PRKCH: variants seen among roughly 807,000 people sequenced by gnomAD.
The protein encoded by PRKCH is protein kinase C eta.
In PRKCH, 28 loss-of-function variants were observed where a neutral mutation model predicts 82.5. That is an observed-to-expected ratio of 0.34 (90% CI 0.25 to 0.47). PRKCH has a LOEUF of 0.47. Ranked by LOEUF, PRKCH falls within the 20% of genes least tolerant of loss-of-function variation. The pLI is 1.00. For synonymous variants in PRKCH, 322 were observed against 327.4 expected, an observed-to-expected ratio of 0.98 and a Z score of 0.18; for missense variants, 705 against 881.8, an observed-to-expected ratio of 0.80 and a Z score of 2.54.
At chr14:61,453,482 TTCTTTCTTTCTTTC>T (rs1241596638) in intron 7 of PRKCH, 129 bp downstream of exon 7, 14 of 785,146 alleles carry the variant, frequency 1.8e-5, no homozygotes, top group African/African-American at 1.3e-4. Flanking sequence ...CTTATTGCCT[TTCTTTCTTTCTTTC>T]TCTTTCTTTC....
intron 1 of PRKCH, among the ~76,000 whole-genome samples, chr14:61,370,296 T>G (rs2046348995): frequency 6.6e-6 from 1 of 152,020 alleles, no homozygotes; most frequent in Non-Finnish European, 1.5e-5. Context: ...TATACTTTCT[T>G]TGGTTGTTGG....
intron 2 of PRKCH, among the ~76,000 whole-genome samples, chr14:61,416,733 C>T (rs1292189493): frequency 6.6e-6 from 1 of 152,058 alleles, no homozygotes; most frequent in African/African-American, 2.4e-5. Flanking sequence ...CACATTGTGG[C>T]AACACCCGTT....
At chr14:61,462,329 G>A (rs1344300387) in intron 9 of PRKCH, among the ~76,000 whole-genome samples, 2 of 152,208 alleles carry the variant, frequency 1.3e-5, no homozygotes, top group African/African-American at 2.4e-5. Context: ...GGCAGAGGTT[G>A]CAGTGAGCCA....
chr14:61,426,883 T>A (rs1021341290), intron 2 of PRKCH, among the ~76,000 whole-genome samples: 2 of 152,188 alleles, frequency 1.3e-5, no homozygotes, highest in Non-Finnish European at 2.9e-5. Context: ...CCAAAGTGGA[T>A]TAGAAACTGT....
intron 2 of PRKCH, among the ~76,000 whole-genome samples, chr14:61,415,213 A>G (rs1217756461): frequency 6.6e-6 from 1 of 152,172 alleles, no homozygotes; most frequent in East Asian, 1.9e-4. Context: ...TACTAACTTA[A>G]AAGCAATTTG....
Position 61,322,311 on chromosome 14 carries a change from G to C in PRKCH, c.210G>C (p.Glu70Asp). 6.2e-7 allele frequency: 1 copy of C among 1,613,368 alleles called. No homozygotes were observed. Among genetic ancestry groups the C allele is most frequent in the Non-Finnish European group, 8.5e-7 (1 of 1,179,894 alleles). ...AGACCAACAAACCCACGTACAACGA[G>C]GAGTTTTGCGCTAACGTCACCGACG... is the stretch of plus-strand genomic sequence containing the variant. ...KQKTNKPTYNEEFCANVTDGG... is the reference protein window; with the variant it reads ...KQKTNKPTYNDEFCANVTDGG... The change falls in exon 1 of 14, where the codon GAG becomes GAC. Residue 70 changes from glutamate (E) to aspartate (D), a missense_variant. Transcript: ENST00000332981.
At chr14:61,457,807 T>C (rs1884848600) in intron 9 of PRKCH, 128 bp downstream of exon 9, 1 of 1,283,554 alleles carries the variant, frequency 7.8e-7, no homozygotes, top group African/African-American at 1.5e-5. Flanking sequence ...GGCAGGGTCA[T>C]ATGGAGGTAT....
intron 1 of PRKCH, among the ~76,000 whole-genome samples, chr14:61,208,769 T>C (rs2044546914): frequency 6.6e-6 from 1 of 152,206 alleles, no homozygotes; most frequent in Non-Finnish European, 1.5e-5. Flanking sequence ...AGCCTTTTGT[T>C]CATTAAGAAT....
At chr14:61,547,029 C>T (rs771721645) in intron 12 of PRKCH, among the ~76,000 whole-genome samples, 5 of 152,194 alleles carry the variant, frequency 3.3e-5, no homozygotes, top group Admixed American at 6.5e-5. Flanking sequence ...ATGCACACAT[C>T]GCTTAGCTGT....
chr14:61,195,779 C>T (rs756725141), intron 1 of PRKCH, among the ~76,000 whole-genome samples: 2 of 152,108 alleles, frequency 1.3e-5, no homozygotes, highest in Non-Finnish European at 2.9e-5. Flanking sequence ...ATGGACTTCC[C>T]TCAGTGGACA....
At chr14:61,507,146 C>T (rs1440680026) in intron 10 of PRKCH, among the ~76,000 whole-genome samples, 1 of 152,108 alleles carries the variant, frequency 6.6e-6, no homozygotes, top group Non-Finnish European at 1.5e-5. Flanking sequence ...ATAGACATTT[C>T]TCCAAAGAAG....
chr14:61,247,305 C>T (rs572811741), intron 1 of PRKCH, among the ~76,000 whole-genome samples: 1 of 151,166 alleles, frequency 6.6e-6, no homozygotes, highest in Admixed American at 6.6e-5. Context: ...ACAACGTATA[C>T]AGATACTTCA....
chr14:61,237,706 C>A (rs1258777383), intron 1 of PRKCH, among the ~76,000 whole-genome samples: 1 of 152,194 alleles, frequency 6.6e-6, no homozygotes, highest in African/African-American at 2.4e-5. Flanking sequence ...CTCCCCCAAC[C>A]CTTACCTCCA....
chr14:61,378,028 A>G (rs1176443577), intron 1 of PRKCH, among the ~76,000 whole-genome samples: 3 of 152,056 alleles, frequency 2.0e-5, no homozygotes, highest in Non-Finnish European at 4.4e-5. Context: ...CATTCCTCCA[A>G]TGACACTGAT....
At chr14:61,287,308 G>A (rs972787250) in intron 1 of PRKCH, among the ~76,000 whole-genome samples, 2 of 149,628 alleles carry the variant, frequency 1.3e-5, no homozygotes, top group East Asian at 2.0e-4. Flanking sequence ...TGCTTGGTGA[G>A]TTGGCAGGAG....
intron 1 of PRKCH, among the ~76,000 whole-genome samples, chr14:61,287,530 G>A (rs2045325919): frequency 6.6e-6 from 1 of 152,042 alleles, no homozygotes; most frequent in African/African-American, 2.4e-5. Context: ...GGCCAACATA[G>A]CGAGACTCCA....
intron 1 of PRKCH, among the ~76,000 whole-genome samples, chr14:61,201,043 A>T (rs1260360335): frequency 6.6e-6 from 1 of 152,122 alleles, no homozygotes; most frequent in Admixed American, 6.5e-5. Flanking sequence ...AATCTATGGG[A>T]TTATTTTGAA....
chr14:61,208,642 T>C (rs2044545912), intron 1 of PRKCH, among the ~76,000 whole-genome samples: 1 of 152,220 alleles, frequency 6.6e-6, no homozygotes, highest in Admixed American at 6.5e-5. Flanking sequence ...AGCGCGTCTT[T>C]AAGCGAACCA....
At chr14:61,461,289 C>A (rs2140300116) in intron 9 of PRKCH, among the ~76,000 whole-genome samples, 1 of 152,278 alleles carries the variant, frequency 6.6e-6, no homozygotes, top group South Asian at 2.1e-4. Context: ...ACGTAAAGCC[C>A]CTCCCCTGCC....
Sources: gnomAD v4.1 joint callset for allele counts (sites outside exome capture counted in the v4.1 genomes callset) on GRCh38, gnomAD v4.1.1 for gene constraint, MANE v1.5 for transcripts, NCBI Gene and HGNC (gene_info 2026-07-23, HGNC 2026-07-21) for gene names.